The following BLOC1S6 variants were observed in gnomAD, a reference collection of about 807,000 sequenced individuals.
BLOC1S6 encodes biogenesis of lysosomal organelles complex 1 subunit 6.
Under a neutral mutation model 24.7 loss-of-function variants are expected in BLOC1S6, and 24 were observed. The ratio of observed to expected loss-of-function variants is 0.97; its 90% CI spans 0.70 to 1.37. The LOEUF (loss-of-function observed/expected upper bound fraction) is 1.37, where lower values mean the gene tolerates loss of function less well. Ranked by LOEUF, BLOC1S6 falls within the 40% of genes most tolerant of loss-of-function variation. The probability of loss-of-function intolerance (pLI) is 0.00; values close to 1 mark genes in which losing one functional copy is unlikely to be tolerated. For synonymous variants in BLOC1S6, 76 were observed against 72.6 expected (o/e 1.05, Z -0.23); for missense variants, 175 against 196.2 (o/e 0.89, Z 0.64).
intron 1 of BLOC1S6, 179 bp from the exon 2 acceptor site, chr15:45,591,956 T>G (rs1249826782): frequency 1.5e-6 from 1 of 675,840 alleles, no homozygotes; most frequent in African/African-American, 1.8e-5. Context: ...AACCTCCTTT[T>G]ATTAGCTGTG....
intron 3 of BLOC1S6, among the ~76,000 whole-genome samples, chr15:45,603,525 C>T (rs1452221845): frequency 6.6e-6 from 1 of 152,114 alleles, no homozygotes; most frequent in Non-Finnish European, 1.5e-5. Context: ...GCCTGGGCTA[C>T]ATAGTGAGAA....
chr15:45,592,059 C>T, intron 1 of BLOC1S6, 76 bp from the exon 2 acceptor site: 1 of 1,521,704 alleles, frequency 6.6e-7, no homozygotes, highest in South Asian at 1.2e-5. Context: ...CTTCTCTAAT[C>T]CCACTGCTTC....
At position 45,603,151 on chromosome 15, in the gene BLOC1S6, T is replaced by C. The variant is rs370672312; in HGVS notation, c.276T>C (p.Phe92=). The C allele has an allele frequency of 3.7e-6, 6 of 1,610,848 alleles. No individual in the cohort carries two copies. In the African/African-American group the frequency reaches 8.0e-5, roughly 22 times the overall value. ...LDTLEQEISK[F]KECHSMLDIN... ...CACTGGAACAAGAGATTTCAAAATTTAAAGAATGTCATTCTATGTTGGATA... is the reference window on the plus strand; with the variant it reads ...CACTGGAACAAGAGATTTCAAAATTCAAAGAATGTCATTCTATGTTGGATA... Residue 92 remains phenylalanine, a synonymous_variant, in exon 3 of 5, where the codon TTT becomes TTC. Transcript: ENST00000220531.
At position 45,587,530 on chromosome 15, in the gene BLOC1S6, G is replaced by C; in HGVS notation, c.82+5G>C. 6.4e-7 allele frequency: 1 copy of C among 1,567,992 alleles called. No homozygotes were observed. The highest frequency in any genetic ancestry group is 1.2e-5 in the South Asian group (1 of 86,006). ...AGGCCGGGGAGCCGACGCCTGGTAC[G>C]TACTATCGGGTGGGAAGCGCGGCCC... On this transcript the variant is annotated splice_donor_5th_base_variant and intron_variant, in intron 1 of 4. Transcript: ENST00000220531.
At chr15:45,604,260 A>G (rs1286843890) in intron 3 of BLOC1S6, among the ~76,000 whole-genome samples, 1 of 152,154 alleles carries the variant, frequency 6.6e-6, no homozygotes, top group African/African-American at 2.4e-5. Flanking sequence ...CATACCTCAA[A>G]AAAATGGACT....
At chr15:45,601,182 C>G (rs1201862488) in intron 2 of BLOC1S6, 2 of 154,334 alleles carry the variant, frequency 1.3e-5, no homozygotes, top group Non-Finnish European at 2.9e-5. Context: ...AATGTGGTCT[C>G]TCTTTCAAAA....
At chr15:45,587,571 G>C (rs1360753158) in intron 1 of BLOC1S6, 46 bp downstream of exon 1, 1 of 1,514,610 alleles carries the variant, frequency 6.6e-7, no homozygotes. Context: ...GGGTGTGAGG[G>C]GCGGGGACCT....
intron 2 of BLOC1S6, among the ~76,000 whole-genome samples, chr15:45,594,904 T>C (rs1302143007): frequency 2.0e-5 from 3 of 151,990 alleles, no homozygotes; most frequent in Non-Finnish European, 2.9e-5. Flanking sequence ...GGAACCTTCT[T>C]TGAGAGTGGC....
At chr15:45,601,448 C>G (rs1894266774) in intron 2 of BLOC1S6, 1 of 153,490 alleles carries the variant, frequency 6.5e-6, no homozygotes, top group South Asian at 2.1e-4. Context: ...AAATATAGGC[C>G]TACATAAACT....
chr15:45,587,775 C>G, intron 1 of BLOC1S6: 1 of 702,750 alleles, frequency 1.4e-6, no homozygotes, highest in Non-Finnish European at 2.6e-6. Context: ...TGAAGCCATT[C>G]TGAGTTTATG....
intron 1 of BLOC1S6, among the ~76,000 whole-genome samples, chr15:45,588,527 A>G (rs746420881): frequency 2.0e-5 from 3 of 152,150 alleles, no homozygotes; most frequent in Non-Finnish European, 2.9e-5. Context: ...GGATTCTCCT[A>G]TACAATTCCA....
chr15:45,589,346 G>C (rs888558443), intron 1 of BLOC1S6, among the ~76,000 whole-genome samples: 4 of 152,344 alleles, frequency 2.6e-5, no homozygotes, highest in African/African-American at 4.8e-5. Context: ...AGCTCATGCT[G>C]GAGTTAGAGG....
At chr15:45,603,246 T>C (rs565893319) in intron 3 of BLOC1S6, 59 bp downstream of exon 3, 1 of 1,095,394 alleles carries the variant, frequency 9.1e-7, no homozygotes, top group Admixed American at 1.9e-5. Context: ...TAGCTAAGAC[T>C]TAGCTAAGCA....
At chr15:45,591,713 C>T (rs554067095) in intron 1 of BLOC1S6, among the ~76,000 whole-genome samples, 1 of 152,342 alleles carries the variant, frequency 6.6e-6, no homozygotes, top group Non-Finnish European at 1.5e-5. Flanking sequence ...ACTATAAGTC[C>T]TCTGCCCTGA....
chr15:45,587,368 C>G (rs143651781), upstream of BLOC1S6: 1 of 1,387,020 alleles, frequency 7.2e-7, no homozygotes, highest in African/African-American at 1.4e-5. Context: ...CGGCCAGCCG[C>G]TGGAGTCGTT....
intron 1 of BLOC1S6, among the ~76,000 whole-genome samples, chr15:45,589,675 C>T (rs1893811802): frequency 6.6e-6 from 1 of 152,190 alleles, no homozygotes; most frequent in Non-Finnish European, 1.5e-5. Context: ...GAACCTGGTA[C>T]ATAATATAGA....
chr15:45,604,068 A>G (rs1448482958), intron 3 of BLOC1S6, among the ~76,000 whole-genome samples: 2 of 152,148 alleles, frequency 1.3e-5, no homozygotes, highest in African/African-American at 4.8e-5. Flanking sequence ...GATGAACATT[A>G]AAAATAGTTT....
At chr15:45,593,009 T>C (rs1029494031) in intron 2 of BLOC1S6, among the ~76,000 whole-genome samples, 3 of 152,108 alleles carry the variant, frequency 2.0e-5, no homozygotes, top group Admixed American at 2.0e-4. Context: ...AGGCCTTTAT[T>C]AGGGCAAAAG....
At chr15:45,595,254 A>G (rs115670423) in intron 2 of BLOC1S6, among the ~76,000 whole-genome samples, 2,263 of 152,252 alleles carry the variant, frequency 0.015, 41 homozygotes, top group African/African-American at 0.053. Flanking sequence ...GTTATTTTTC[A>G]TTAGCCTCCC....
Sources: allele counts gnomAD v4.1 joint callset (sites outside exome capture counted in the v4.1 genomes callset), GRCh38; gene constraint gnomAD v4.1.1; transcripts MANE v1.5; gene names NCBI Gene and HGNC (gene_info 2026-07-23, HGNC 2026-07-21).